Variants in POFUT3 observed in about 807,000 individuals in gnomAD.
POFUT3 encodes the protein GDP-fucose protein O-fucosyltransferase 3.
At chr8:33,392,269 G>C in the POFUT3 span, among the ~76,000 whole-genome samples, 1 of 152,074 alleles carries the variant, frequency 6.6e-6, no homozygotes, top group African/African-American at 2.4e-5. Context: ...AACTTCTCTG[G>C]AGAAGATTGA....
chr8:33,388,874 A>C, the POFUT3 span: 1 of 983,760 alleles, frequency 1.0e-6, no homozygotes, highest in East Asian at 2.4e-5. Flanking sequence ...AACACTGATG[A>C]GGTGGCAACA....
At chr8:33,380,174 T>TATATATATACTATATATATAC in the POFUT3 span, among the ~76,000 whole-genome samples, 2 of 52,840 alleles carry the variant, frequency 3.8e-5, no homozygotes, top group African/African-American at 3.5e-4. Context: ...TATATATATA[T>TATATATATACTATATATATAC]ACTATATATA....
chr8:33,378,444 C>G, the POFUT3 span, among the ~76,000 whole-genome samples: 1 of 152,110 alleles, frequency 6.6e-6, no homozygotes, highest in African/African-American at 2.4e-5. Flanking sequence ...GGCATAAACT[C>G]TCCCTCCAAC....
the POFUT3 span, among the ~76,000 whole-genome samples, chr8:33,350,242 G>A: frequency 6.6e-6 from 1 of 152,042 alleles, no homozygotes; most frequent in South Asian, 2.1e-4. Context: ...TATTTCCTTT[G>A]CTGTGCAGAA....
chr8:33,460,815 C>T, the POFUT3 span: 1 of 904,348 alleles, frequency 1.1e-6, no homozygotes, highest in Non-Finnish European at 1.3e-6. Flanking sequence ...AAGGGTCTCC[C>T]TGCCAGAGGT....
chr8:33,361,767 A>C, the POFUT3 span, among the ~76,000 whole-genome samples: 1 of 152,130 alleles, frequency 6.6e-6, no homozygotes, highest in East Asian at 1.9e-4. Flanking sequence ...AATAATCATA[A>C]TTTCCTTGAT....
At chr8:33,408,139 T>C in the POFUT3 span, among the ~76,000 whole-genome samples, 2 of 139,654 alleles carry the variant, frequency 1.4e-5, no homozygotes, top group East Asian at 4.3e-4. Context: ...CCCTGGGCAA[T>C]ATAGCAAGAC....
the POFUT3 span, among the ~76,000 whole-genome samples, chr8:33,450,185 C>A: frequency 6.6e-6 from 1 of 152,192 alleles, no homozygotes; most frequent in South Asian, 2.1e-4. Context: ...AGGTGATCCA[C>A]TTGCCTTGGC....
the POFUT3 span, chr8:33,453,533 T>C: frequency 6.4e-7 from 1 of 1,562,688 alleles, no homozygotes; most frequent in Non-Finnish European, 8.7e-7. Flanking sequence ...ACAATTATTA[T>C]CAGTGTCAAA....
chr8:33,310,724 GAC>G, the POFUT3 span, among the ~76,000 whole-genome samples: 109 of 149,224 alleles, frequency 7.3e-4, no homozygotes, highest in African/African-American at 2.4e-3. Flanking sequence ...CCACAGAAAA[GAC>G]AGAACATTGT....
chr8:33,464,689 A>T, the POFUT3 span, among the ~76,000 whole-genome samples: 1 of 152,136 alleles, frequency 6.6e-6, no homozygotes, highest in African/African-American at 2.4e-5. Flanking sequence ...CTGAGGCAGG[A>T]GGATTGCTTC....
the POFUT3 span, among the ~76,000 whole-genome samples, chr8:33,391,094 C>T: frequency 2.6e-5 from 4 of 151,808 alleles, no homozygotes; most frequent in African/African-American, 7.3e-5. Context: ...AAGAAAATAC[C>T]GAATATATAT....
the POFUT3 span, among the ~76,000 whole-genome samples, chr8:33,406,051 G>C: frequency 6.6e-6 from 1 of 152,172 alleles, no homozygotes; most frequent in Non-Finnish European, 1.5e-5. Context: ...CTAGATATTA[G>C]ATAGAGAAAT....
the POFUT3 span, among the ~76,000 whole-genome samples, chr8:33,352,591 C>G: frequency 6.6e-6 from 1 of 151,936 alleles, no homozygotes; most frequent in Non-Finnish European, 1.5e-5. Flanking sequence ...TTGACTTCAT[C>G]CGTGAATATC....
chr8:33,402,826 A>G, the POFUT3 span, among the ~76,000 whole-genome samples: 35 of 152,136 alleles, frequency 2.3e-4, no homozygotes, highest in Non-Finnish European at 4.6e-4. Context: ...TGGGAGGTTA[A>G]GGCAGGAAGG....
At chr8:33,464,307 G>A in the POFUT3 span, among the ~76,000 whole-genome samples, 1 of 152,234 alleles carries the variant, frequency 6.6e-6, no homozygotes, top group East Asian at 1.9e-4. Context: ...GCTAATATTT[G>A]TTGAGTAACC....
chr8:33,390,019 AC>A, the POFUT3 span, among the ~76,000 whole-genome samples: 1 of 152,208 alleles, frequency 6.6e-6, no homozygotes, highest in East Asian at 1.9e-4. Flanking sequence ...ACATGGTGAA[AC>A]CCTGTCTCTG....
chr8:33,443,908 T>A, the POFUT3 span, among the ~76,000 whole-genome samples: 2 of 151,798 alleles, frequency 1.3e-5, no homozygotes, highest in Non-Finnish European at 2.9e-5. Context: ...GGAGAAGCAC[T>A]TCAGGCCAGG....
chr8:33,456,032 T>C, the POFUT3 span: 2 of 313,590 alleles, frequency 6.4e-6, no homozygotes, highest in African/African-American at 2.2e-5. Context: ...GAGCCATCAC[T>C]GAAAACTAAA....
Sources: gnomAD v4.1 joint callset for allele counts (sites outside exome capture counted in the v4.1 genomes callset) on GRCh38, gnomAD v4.1.1 for gene constraint, MANE v1.5 for transcripts, NCBI Gene and HGNC (gene_info 2026-07-23, HGNC 2026-07-21) for gene names.